The following ANK3 variants were observed in gnomAD, a reference collection of about 807,000 sequenced individuals.
ANK3 encodes the protein ankyrin-3.
ANK3 carries 57 observed loss-of-function variants against 370.9 expected under a neutral mutation model. The ratio of observed to expected loss-of-function variants is 0.15; its 90% CI spans 0.12 to 0.19. The LOEUF (loss-of-function observed/expected upper bound fraction) is 0.19, where lower values mean the gene tolerates loss of function less well. ANK3 is among the 10% of genes least tolerant of loss of function. ANK3 has a pLI of 1.00. For synonymous variants in ANK3, 1,929 were observed against 1,946.3 expected, an observed-to-expected ratio of 0.99 and a Z score of 0.23; for missense variants, 4,439 against 5,302.1, an observed-to-expected ratio of 0.84 and a Z score of 5.06.
chr10:60,239,335 C>T (rs1435753389), intron 7 of ANK3, among the ~76,000 whole-genome samples: 1 of 151,708 alleles, frequency 6.6e-6, no homozygotes, highest in African/African-American at 2.4e-5. Context: ...TCCAACTAGA[C>T]ACAATAGTCA....
At position 60,214,225 on chromosome 10, in the gene ANK3, T is replaced by A. The variant is rs1001122022; in HGVS notation, c.898-715A>T. Among the ~76,000 whole-genome samples, 4 of 152,178 alleles carry A rather than the reference T, an allele frequency of 2.6e-5. No individual in the cohort carries two copies. The East Asian group carries it at 5.8e-4, about 22-fold the overall frequency. ...TAATGAAGATTAGTTATTGCTAGAATAAGACAGGGTTCAGCATCAATATTA... is the reference window on the plus strand; with the variant it reads ...TAATGAAGATTAGTTATTGCTAGAAAAAGACAGGGTTCAGCATCAATATTA... On this transcript the variant is annotated intron_variant, in intron 8 of 43. Transcript: ENST00000280772.
intron 31 of ANK3, 36 bp from the exon 32 acceptor site, chr10:60,084,866 G>A: frequency 6.9e-7 from 1 of 1,451,728 alleles, no homozygotes; most frequent in South Asian, 1.5e-5. Context: ...TGAAAATGTG[G>A]CTATTTAAAA....
intron 8 of ANK3, among the ~76,000 whole-genome samples, chr10:60,218,125 A>G (rs1340499924): frequency 1.5e-5 from 1 of 66,560 alleles, no homozygotes; most frequent in African/African-American, 6.8e-5. Context: ...TTTGCTTTCC[A>G]TTTGCTTGGT....
chr10:60,169,068 G>A lies in ANK3; in HGVS notation c.2479-2172C>T, dbSNP rs1426148842. Among the ~76,000 whole-genome samples, 3 of 152,110 alleles carry A rather than the reference G, an allele frequency of 2.0e-5. No individual in the cohort carries two copies. In the East Asian group the frequency reaches 5.8e-4, roughly 29 times the overall value. ...TCCTTTGGGTATATACTCAGTAATG[G>A]GACTGCTGGGTCAACTGATATTTCT... On this transcript the variant is annotated intron_variant, in intron 21 of 43. Transcript: ENST00000280772.
chr10:60,454,457 G>A (rs1224057423), intron 2 of ANK3, among the ~76,000 whole-genome samples: 5 of 151,958 alleles, frequency 3.3e-5, no homozygotes, highest in Non-Finnish European at 5.9e-5. Context: ...TGTGTCTCCC[G>A]GCAGCTTTAG....
rs1438597241 is a variant in ANK3 at position 60,138,985 on chromosome 10, C to T, written c.2717G>A (p.Ser906Asn). 1 of 1,613,782 alleles carries T rather than the reference C, an allele frequency of 6.2e-7. No individual in the cohort carries two copies. The highest frequency in any genetic ancestry group is 1.3e-5 in the African/African-American group (1 of 74,892). The change falls in exon 24 of 44, where the codon AGT becomes AAT. Residue 906 changes from serine (S) to asparagine (N), a missense_variant. By Grantham distance (46) the Ser-to-Asn change is conservative. Transcript: ENST00000280772. Reference sequence around the variant, plus strand: ...GTACCTGGCAGAACGCGCTCCGAGACTAAAGCCCATGTAACCCTCTGCAGG... The same window carrying T: ...GTACCTGGCAGAACGCGCTCCGAGATTAAAGCCCATGTAACCCTCTGCAGG... ...SLPAEGYMGF[S>N]LGARSASLRS... is the part of the protein sequence containing the mutation.
chr10:60,036,328 T>A (rs1217004368), intron 43 of ANK3, among the ~76,000 whole-genome samples: 1 of 151,934 alleles, frequency 6.6e-6, no homozygotes, highest in Non-Finnish European at 1.5e-5. Flanking sequence ...CTATTCTTGG[T>A]TTTTTTAATA....
intron 2 of ANK3, among the ~76,000 whole-genome samples, chr10:60,545,070 T>C (rs1205283036): frequency 6.6e-6 from 1 of 152,252 alleles, no homozygotes; most frequent in African/African-American, 2.4e-5. Context: ...CCATAATCAG[T>C]AAGTACGAAA....
intron 25 of ANK3, among the ~76,000 whole-genome samples, chr10:60,117,611 G>C (rs922947963): frequency 6.6e-6 from 1 of 152,180 alleles, no homozygotes; most frequent in Admixed American, 6.5e-5. Flanking sequence ...GAGGTCAGGA[G>C]TTTGAGACCA....
intron 1 of ANK3, among the ~76,000 whole-genome samples, chr10:60,311,474 C>CAAAAA (rs57897005): frequency 5.6e-5 from 7 of 125,928 alleles, no homozygotes; most frequent in South Asian, 2.5e-4. Flanking sequence ...ATATGGAAGC[C>CAAAAA]AAAAAAAAAA....
intron 1 of ANK3, among the ~76,000 whole-genome samples, chr10:60,722,113 A>G (rs1308861470): frequency 6.6e-6 from 1 of 152,066 alleles, no homozygotes; most frequent in Non-Finnish European, 1.5e-5. Flanking sequence ...GCACCAACCT[A>G]AACTATGCCA....
chr10:60,109,641 T>C (rs866777932), intron 26 of ANK3, among the ~76,000 whole-genome samples: 1 of 152,194 alleles, frequency 6.6e-6, no homozygotes, highest in African/African-American at 2.4e-5. Flanking sequence ...GTTTTCAGTA[T>C]AAATATGGGC....
chr10:60,133,257 C>T (rs892600502), intron 25 of ANK3, among the ~76,000 whole-genome samples: 4 of 152,206 alleles, frequency 2.6e-5, no homozygotes, highest in Admixed American at 6.5e-5. Context: ...TTATAAGCCA[C>T]CTTTAAAAGT....
chr10:60,055,520 T>C, intron 42 of ANK3, 138 bp downstream of exon 42: 1 of 1,157,088 alleles, frequency 8.6e-7, no homozygotes, highest in South Asian at 1.8e-5. Context: ...ACCTCCACCA[T>C]TAGTGCTACA....
chr10:60,138,870 A>G (rs1344830482), intron 24 of ANK3, 94 bp downstream of exon 24: 2 of 1,517,410 alleles, frequency 1.3e-6, no homozygotes, highest in Non-Finnish European at 1.8e-6. Context: ...CAAAGAACAC[A>G]TTTTGGGATA....
intron 2 of ANK3, among the ~76,000 whole-genome samples, chr10:60,535,208 C>A (rs535900603): frequency 5.3e-5 from 8 of 152,014 alleles, no homozygotes; most frequent in East Asian, 1.9e-4. Flanking sequence ...CTAATGTTTG[C>A]GGTTTCACAG....
intron 2 of ANK3, chr10:60,572,996 T>C: frequency 1.0e-6 from 1 of 988,074 alleles, no homozygotes; most frequent in Non-Finnish European, 1.2e-6. Flanking sequence ...GCTGATTTGC[T>C]GCTTCTAGCA....
At chr10:60,275,660 G>A (rs1269472995) in intron 4 of ANK3, among the ~76,000 whole-genome samples, 4 of 152,108 alleles carry the variant, frequency 2.6e-5, no homozygotes, top group Admixed American at 6.6e-5. Flanking sequence ...GTCAGGATCC[G>A]ACTTTCCCAC....
intron 38 of ANK3, among the ~76,000 whole-genome samples, chr10:60,066,845 G>A (rs2081747349): frequency 6.6e-6 from 1 of 152,108 alleles, no homozygotes; most frequent in Non-Finnish European, 1.5e-5. Flanking sequence ...AGGATTTTAA[G>A]GGTCCTGTTA....
Sources: gnomAD v4.1 joint callset for allele counts (sites outside exome capture counted in the v4.1 genomes callset) on GRCh38, gnomAD v4.1.1 for gene constraint, MANE v1.5 for transcripts, NCBI Gene and HGNC (gene_info 2026-07-23, HGNC 2026-07-21) for gene names.